PARL: variants seen among roughly 807,000 people sequenced by gnomAD.
PARL encodes presenilin-associated rhomboid-like protein, mitochondrial.
A neutral mutation model predicts 51.6 loss-of-function variants in PARL; 44 were observed. The ratio of observed to expected loss-of-function variants is 0.85; its 90% CI spans 0.67 to 1.10. The LOEUF is 1.10. PARL is among the 50% of genes least tolerant of loss of function. The probability of loss-of-function intolerance (pLI) is 0.00; values close to 1 mark genes in which losing one functional copy is unlikely to be tolerated. For synonymous variants in PARL, 172 were observed against 164.0 expected, an observed-to-expected ratio of 1.05 and a Z score of -0.37; for missense variants, 441 against 469.5, an observed-to-expected ratio of 0.94 and a Z score of 0.56.
intron 7 of PARL, among the ~76,000 whole-genome samples, chr3:183,838,719 CA>C (rs1728947785): frequency 2.6e-5 from 4 of 152,160 alleles, no homozygotes. Context: ...GTAGCAGAAC[CA>C]GGATTCACCC....
intron 1 of PARL, among the ~76,000 whole-genome samples, chr3:183,868,513 C>A (rs545111345): frequency 1.3e-5 from 2 of 152,074 alleles, no homozygotes; most frequent in Non-Finnish European, 2.9e-5. Context: ...CAGGCTCAAG[C>A]GATCCTCCTG....
At chr3:183,830,285 G>C (rs1033298755) in intron 9 of PARL, among the ~76,000 whole-genome samples, 1 of 152,270 alleles carries the variant, frequency 6.6e-6, no homozygotes, top group Non-Finnish European at 1.5e-5. Context: ...ACGAGCCTGG[G>C]AGGCTGACGC....
At position 183,876,882 on chromosome 3, in the gene PARL, A is replaced by C. The variant is rs559701885; in HGVS notation, c.125+7840T>G. ...ATGACTTTGAGGGGCTCAAGACTTG[A>C]GTGGAGGAAGTAACTGCAGATGCGG... is the stretch of plus-strand genomic sequence containing the variant. On this transcript the variant is annotated intron_variant, in intron 1 of 9. Transcript: ENST00000317096. Among the ~76,000 whole-genome samples the C allele has an allele frequency of 8.4e-4, 128 of 152,256 alleles. 2 individuals are homozygous for C. Among genetic ancestry groups the C allele is most frequent in the African/African-American group, 3.0e-3 (123 of 41,568 alleles).
At chr3:183,834,757 G>A (rs1321111851) in intron 7 of PARL, among the ~76,000 whole-genome samples, 1 of 151,806 alleles carries the variant, frequency 6.6e-6, no homozygotes, top group South Asian at 2.1e-4. Context: ...AAGACTACAT[G>A]GGGCTGGGTG....
At chr3:183,873,569 A>G (rs11921035) in intron 1 of PARL, among the ~76,000 whole-genome samples, 3,051 of 152,086 alleles carry the variant, frequency 0.02, 86 homozygotes, top group African/African-American at 0.071. Flanking sequence ...AAATTAATTA[A>G]TTAATTAAAG....
At chr3:183,826,821 G>T, downstream of PARL, 1 of 974,408 alleles carries the variant, frequency 1.0e-6, no homozygotes. Context: ...GGCAGATGGC[G>T]CTTGGGACTA....
At chr3:183,884,368 A>T (rs991501823) in intron 1 of PARL, among the ~76,000 whole-genome samples, 4 of 152,228 alleles carry the variant, frequency 2.6e-5, no homozygotes, top group African/African-American at 9.6e-5. Context: ...GAAAAAGAAT[A>T]AAAACCGCCA....
intron 4 of PARL, among the ~76,000 whole-genome samples, chr3:183,849,984 C>T (rs937526337): frequency 2.0e-5 from 3 of 151,976 alleles, no homozygotes; most frequent in Non-Finnish European, 2.9e-5. Flanking sequence ...AAAATTGACT[C>T]GAAGAAATAG....
chr3:183,882,278 TATATACACACACAC>T (rs1222227186), intron 1 of PARL, among the ~76,000 whole-genome samples: 1 of 100,348 alleles, frequency 1.0e-5, no homozygotes, highest in African/African-American at 3.9e-5. Context: ...TTTATATATA[TATATACACACACAC>T]ATATATATAC....
At chr3:183,867,524 C>T (rs1041469833) in intron 2 of PARL, among the ~76,000 whole-genome samples, 2 of 151,958 alleles carry the variant, frequency 1.3e-5, no homozygotes, top group African/African-American at 4.8e-5. Context: ...CAAGGTGAAA[C>T]CCCGTCTCTA....
chr3:183,874,204 C>G lies in PARL; in HGVS notation c.126-6144G>C, dbSNP rs963789177. ...TGAAATTGTTTTGGGTGCCATGAACCATGAGACAATGAACTTAATAATGTT... is the reference window on the plus strand; with the variant it reads ...TGAAATTGTTTTGGGTGCCATGAACGATGAGACAATGAACTTAATAATGTT... On this transcript the variant is annotated intron_variant, in intron 1 of 9. Coordinates refer to ENST00000317096, the MANE Select transcript of PARL (RefSeq NM_018622.7). Among the ~76,000 whole-genome samples the G allele has an allele frequency of 1.6e-4, 25 of 152,184 alleles. No homozygotes were observed. In the East Asian group the frequency reaches 4.8e-3, roughly 29 times the overall value.
At position 183,866,648 on chromosome 3, in the gene PARL, T is replaced by C. The variant is rs368433297; in HGVS notation, c.439A>G (p.Lys147Glu). The part of the protein sequence containing the change: ...ADWLDSIRPQ[K>E]EGDFRKEINK... ...ACCTCCTTTCTGAAGTCTCCTTCTT[T>C]TTGTGGTCTTATGCTATCCAACCAA... Residue 147 changes from lysine (K) to glutamate (E), a missense_variant, in exon 3 of 10, where the codon AAA becomes GAA. Coordinates refer to ENST00000317096, the MANE Select transcript of PARL (RefSeq NM_018622.7). 5 of 1,611,960 alleles carry C rather than the reference T, an allele frequency of 3.1e-6. No individual in the cohort carries two copies. Among genetic ancestry groups the C allele is most frequent in the Non-Finnish European group, 3.4e-6 (4 of 1,179,556 alleles).
chr3:183,883,760 G>A (rs760046411), intron 1 of PARL: 1 of 906,820 alleles, frequency 1.1e-6, no homozygotes, highest in Non-Finnish European at 1.3e-6. Flanking sequence ...AATGCTTGTC[G>A]GACATATAGG....
intron 7 of PARL, among the ~76,000 whole-genome samples, chr3:183,836,276 C>T (rs1728578634): frequency 6.7e-6 from 1 of 149,438 alleles, no homozygotes; most frequent in Non-Finnish European, 1.5e-5. Flanking sequence ...AACTACTATT[C>T]CATAGATGAT....
chr3:183,842,264 T>C (rs1009489326), intron 6 of PARL, 34 bp downstream of exon 6: 1 of 1,602,424 alleles, frequency 6.2e-7, no homozygotes, highest in African/African-American at 1.3e-5. Flanking sequence ...AGAGTGCTTA[T>C]ACTCTCAAAG....
intron 4 of PARL, among the ~76,000 whole-genome samples, chr3:183,847,970 T>C (rs147342964): frequency 5.6e-4 from 85 of 152,312 alleles, no homozygotes; most frequent in African/African-American, 1.9e-3. Flanking sequence ...TTGGACAAGC[T>C]TGGCACTACT....
chr3:183,840,607 T>C lies in PARL; in HGVS notation c.791A>G (p.Lys264Arg), dbSNP rs750572027. ...TGGTCCATATCTTCCTGTGGCAACT[T>C]TACCCACGTAACTGACAAAATTGGA... Reference protein sequence around the residue: ...VISNFVSYVGKVATGRYGPSL... With the variant: ...VISNFVSYVGRVATGRYGPSL... The change falls in exon 7 of 10, where the codon AAA becomes AGA. Residue 264 changes from lysine (K) to arginine (R), a missense_variant. Lys to Arg is a conservative substitution (Grantham distance 26). Coordinates refer to ENST00000317096, the MANE Select transcript of PARL (RefSeq NM_018622.7). The C allele has an allele frequency of 6.4e-7, 1 of 1,567,354 alleles. No homozygotes were observed. Among genetic ancestry groups the C allele is most frequent in the South Asian group, 1.2e-5 (1 of 86,594 alleles).
intron 1 of PARL, among the ~76,000 whole-genome samples, chr3:183,870,837 T>C (rs1733104092): frequency 6.6e-6 from 1 of 152,152 alleles, no homozygotes; most frequent in Non-Finnish European, 1.5e-5. Flanking sequence ...CTCTCTTAAC[T>C]ACGACAATGC....
At chr3:183,841,067 T>G (rs536564990) in intron 6 of PARL, among the ~76,000 whole-genome samples, 197 of 152,186 alleles carry the variant, frequency 1.3e-3, no homozygotes, top group Non-Finnish European at 2.6e-3. Context: ...AGTTACCATT[T>G]TCCTCAACTA....
Sources: allele counts gnomAD v4.1 joint callset (sites outside exome capture counted in the v4.1 genomes callset), GRCh38; gene constraint gnomAD v4.1.1; transcripts MANE v1.5; gene names NCBI Gene and HGNC (gene_info 2026-07-23, HGNC 2026-07-21).